Variants in TBX1 observed in about 807,000 individuals in gnomAD.
TBX1 encodes T-box transcription factor TBX1.
TBX1 carries 16 observed loss-of-function variants against 40.8 expected under a neutral mutation model. That is an observed-to-expected ratio of 0.39 (90% confidence interval 0.27 to 0.60). TBX1 has a LOEUF of 0.60. TBX1 is among the 20% of genes least tolerant of loss of function. The pLI is 0.51. For missense variants in TBX1, 755 were observed against 728.5 expected (o/e 1.04, Z -0.42); for synonymous variants, 403 against 336.8 (o/e 1.20, Z -2.15).
At position 19,761,291 on chromosome 22, in the gene TBX1, C is replaced by T. The variant is rs751433208; in HGVS notation, c.437+11C>T. The T allele has an allele frequency of 6.1e-5, 94 of 1,540,324 alleles. No homozygotes were observed. In the Admixed American group the frequency reaches 1.2e-3, roughly 20 times the overall value. On this transcript the variant is annotated intron_variant, in intron 1 of 6. Transcript: ENST00000649276. ...CACCAAGGCCGGCAGGTCAGGGCGC[C>T]CCTCCCCACGCCGCGACCCTCCCCA...
downstream of TBX1, among the ~76,000 whole-genome samples, chr22:19,768,198 C>A (rs1273874228): frequency 6.6e-6 from 1 of 152,208 alleles, no homozygotes; most frequent in Non-Finnish European, 1.5e-5. Context: ...ACCTCCCGTG[C>A]CTGTCCCAGT....
rs199883948 is a variant in TBX1, at chr22:19,765,851, A to C, written c.935+26A>C. On this transcript the variant is annotated intron_variant, in intron 5 of 6. Coordinates refer to ENST00000649276, the MANE Select transcript of TBX1 (RefSeq NM_001379200.1). ...GTGAGTGTCCTCCCCCGAGAGAGTG[A>C]GCGCCGGGCGCCTGGCGCAGGCGCC... 2.5e-4 allele frequency: 389 copies of C among 1,583,478 alleles called. 5 individuals carry two copies. The East Asian group carries it at 7.3e-3, about 30-fold the overall frequency.
chr22:19,767,070 G>A lies in TBX1; in HGVS notation c.*203G>A, dbSNP rs571783270. On this transcript the variant is annotated 3_prime_UTR_variant, in exon 7 of 7. Coordinates refer to ENST00000649276, the MANE Select transcript of TBX1 (RefSeq NM_001379200.1). ...GGCTATCGAAGTATCCGGTTCCCCA[G>A]TCCCTGGAGCCACCGCGGGTCCTTC... The A allele has an allele frequency of 3.9e-6, 5 of 1,275,748 alleles. No individual in the cohort carries two copies. In the South Asian group the frequency reaches 1.0e-4, roughly 26 times the overall value. 79.0% of individuals were successfully genotyped at this position (1,275,748 alleles called of 1,614,324 possible).
At position 19,766,380 on chromosome 22, in the gene TBX1, T is replaced by C; in HGVS notation, c.1037-9T>C. ...GCCGGCCGCGCTCACTCCTCGGCCC[T>C]CTCCGCAGACGCGGCTGAGGCCCGG... On this transcript the variant is annotated splice_polypyrimidine_tract_variant and intron_variant, in intron 6 of 6. Coordinates refer to ENST00000649276, the MANE Select transcript of TBX1 (RefSeq NM_001379200.1). The C allele has an allele frequency of 7.6e-7, 1 of 1,318,824 alleles. No homozygotes were observed. The highest frequency in any genetic ancestry group is 1.9e-5 in the South Asian group (1 of 52,928). The allele number at this position is 1,318,824 out of a possible 1,614,324, so 81.7% of individuals were successfully genotyped here. A position where few individuals can be genotyped will look rare whatever the true frequency, so the allele number is the denominator to read the frequency against.
rs1936868603 is a variant in TBX1 at position 19,766,747 on chromosome 22, C to T, written c.1395C>T (p.His465=). The T allele has an allele frequency of 9.1e-6, 14 of 1,540,800 alleles. No individual in the cohort carries two copies. Among genetic ancestry groups the T allele is most frequent in the Non-Finnish European group, 1.2e-5 (14 of 1,154,716 alleles). Residue 465 remains histidine, a synonymous_variant, in exon 7 of 7, where the codon CAC becomes CAT. Coordinates refer to ENST00000649276, the MANE Select transcript of TBX1 (RefSeq NM_001379200.1). The stretch of plus-strand genomic sequence containing the variant: ...CGCACGCGCATCCGCACCACCACCA[C>T]CACCCCGTGAGTCCAGCCGCCGCGG... ...YHPHAHPHHH[H]HPVSPAAAAA...
intron 8 of TBX1, among the ~76,000 whole-genome samples, chr22:19,777,664 G>A (rs566853291): frequency 6.6e-6 from 1 of 152,162 alleles, no homozygotes; most frequent in South Asian, 2.1e-4. Context: ...TCTGGGTATC[G>A]GTCCTTTTCG....
At chr22:19,775,578 G>A (rs1010500694) in intron 8 of TBX1, among the ~76,000 whole-genome samples, 1 of 152,150 alleles carries the variant, frequency 6.6e-6, no homozygotes, top group African/African-American at 2.4e-5. Flanking sequence ...ACTGGGTGGG[G>A]GTGCTTCTGG....
chr22:19,760,545 T>G (rs1936612555), upstream of TBX1, among the ~76,000 whole-genome samples: 1 of 134,472 alleles, frequency 7.4e-6, no homozygotes. Context: ...GGCGCACCGG[T>G]GAGCCGGTCC....
downstream of TBX1, among the ~76,000 whole-genome samples, chr22:19,781,960 T>A (rs1474634871): frequency 3.9e-5 from 6 of 152,206 alleles, no homozygotes; most frequent in African/African-American, 9.7e-5. Flanking sequence ...CTGTTTCTAA[T>A]TGAGAAAAAT....
In TBX1 at chr22:19,766,458, A is replaced by G; in HGVS notation, c.1106A>G (p.His369Arg). ...GGPAVLGDPA[H>R]PPQLLARVLS... ...CCAGCAGTGCTCGGGGACCCGGCGC[A>G]TCCTCCGCAGCTGCTGGCCCGGGTG... is the stretch of plus-strand genomic sequence containing the variant. The change falls in exon 7 of 7, where the codon CAT becomes CGT. Residue 369 changes from histidine (H) to arginine (R), a missense_variant. Coordinates refer to ENST00000649276, the MANE Select transcript of TBX1 (RefSeq NM_001379200.1). 7.5e-7 allele frequency: 1 copy of G among 1,332,164 alleles called. No homozygotes were observed. The highest frequency in any genetic ancestry group is 9.7e-7 in the Non-Finnish European group (1 of 1,035,334). The allele number at this position is 1,332,164 out of a possible 1,614,324, so 82.5% of individuals were successfully genotyped here.
chr22:19,776,931 A>G (rs1425215086), intron 8 of TBX1, among the ~76,000 whole-genome samples: 3 of 152,040 alleles, frequency 2.0e-5, no homozygotes, highest in South Asian at 2.1e-4. Context: ...TACAGAACAC[A>G]GATCAGCCAG....
At chr22:19,779,681 A>T (rs1331107937), downstream of TBX1, 1 of 725,492 alleles carries the variant, frequency 1.4e-6, no homozygotes, top group East Asian at 4.1e-5. Context: ...GGAAACTACA[A>T]GCTTAACATA....
chr22:19,761,337 G>A, intron 1 of TBX1, 57 bp downstream of exon 1: 2 of 1,498,040 alleles, frequency 1.3e-6, no homozygotes, highest in Non-Finnish European at 9.0e-7. Context: ...CCAGGGCTGC[G>A]GGCCTCCGCC....
At position 19,773,935 on chromosome 22, in the gene TBX1, C is replaced by T. The variant is rs41297778; in HGVS notation, c.1010-5285C>T. On this transcript the variant is annotated intron_variant, in intron 8 of 8. Coordinates refer to the TBX1 transcript ENST00000329705. ...GACTGGAGGGAAGCAGTGGCTATTC[C>T]AGTAGTAGCTGTTTCTCATGCACAG... is the stretch of plus-strand genomic sequence containing the variant. Among the ~76,000 whole-genome samples the T allele has an allele frequency of 2.0e-3, 307 of 152,322 alleles. 1 individual carries two copies. Among genetic ancestry groups the T allele is most frequent in the African/African-American group, 5.9e-3 (245 of 41,570 alleles).
chr22:19,776,414 G>A (rs962335115), intron 8 of TBX1, among the ~76,000 whole-genome samples: 1 of 152,328 alleles, frequency 6.6e-6, no homozygotes, highest in Non-Finnish European at 1.5e-5. Flanking sequence ...AAGACACACA[G>A]TGCCTGCTCT....
intron 6 of TBX1, 66 bp downstream of exon 6, chr22:19,766,068 C>A (rs1272921735): frequency 3.1e-6 from 4 of 1,296,580 alleles, no homozygotes; most frequent in African/African-American, 1.6e-5. Flanking sequence ...CCGGCGGCCT[C>A]GCCCGACCTC....
downstream of TBX1, among the ~76,000 whole-genome samples, chr22:19,781,663 G>A (rs571784156): frequency 1.3e-5 from 2 of 152,110 alleles, no homozygotes; most frequent in South Asian, 4.2e-4. Flanking sequence ...TTCTTCTAAG[G>A]GTTTTATGGT....
chr22:19,777,931 TAA>T (rs1937092538), intron 8 of TBX1, among the ~76,000 whole-genome samples: 1 of 151,924 alleles, frequency 6.6e-6, no homozygotes, highest in Admixed American at 6.6e-5. Context: ...GGCTAATTTT[TAA>T]GTTTTTTGTG....
Position 19,767,099 on chromosome 22 carries a change from G to A in TBX1, c.*232G>A, listed in dbSNP as rs1936888482. On this transcript the variant is annotated 3_prime_UTR_variant, in exon 7 of 7. Transcript: ENST00000649276. The stretch of plus-strand genomic sequence containing the variant: ...CTGGAGCCACCGCGGGTCCTTCCCC[G>A]GCCCCGAGGGCCAAGGGGGTCCCCG... 1 of 1,260,166 alleles carries A rather than the reference G, an allele frequency of 7.9e-7. No homozygotes were observed. The highest frequency in any genetic ancestry group is 9.9e-7 in the Non-Finnish European group (1 of 1,005,060). 78.1% of individuals were successfully genotyped at this position (1,260,166 alleles called of 1,614,324 possible). A position where few individuals can be genotyped will look rare whatever the true frequency, so the allele number is the denominator to read the frequency against.
Sources: gnomAD v4.1 joint callset for allele counts (sites outside exome capture counted in the v4.1 genomes callset) on GRCh38, gnomAD v4.1.1 for gene constraint, MANE v1.5 for transcripts, NCBI Gene and HGNC (gene_info 2026-07-23, HGNC 2026-07-21) for gene names.